The following PLEKHA5 variants were observed in gnomAD, a reference collection of about 807,000 sequenced individuals.
The protein encoded by PLEKHA5 is pleckstrin homology domain containing A5.
In PLEKHA5, 55 loss-of-function variants were observed where a neutral mutation model predicts 181.9. That is an observed-to-expected ratio of 0.30 (90% CI 0.24 to 0.38). PLEKHA5 has a LOEUF of 0.38. Ranked by LOEUF, PLEKHA5 falls within the 10% of genes least tolerant of loss-of-function variation. The probability of loss-of-function intolerance (pLI) is 1.00; values close to 1 mark genes in which losing one functional copy is unlikely to be tolerated. For missense variants in PLEKHA5, 1,432 were observed against 1,549.5 expected, an observed-to-expected ratio of 0.92 and a Z score of 1.27; for synonymous variants, 535 against 529.4, an observed-to-expected ratio of 1.01 and a Z score of -0.15.
At position 19,257,499 on chromosome 12, in the gene PLEKHA5, A is replaced by G; in HGVS notation, c.499A>G (p.Asn167Asp). Residue 167 changes from asparagine (N) to aspartate (D), a missense_variant, in exon 6 of 32, where the codon AAT becomes GAT. Coordinates refer to ENST00000429027, the MANE Select transcript of PLEKHA5 (RefSeq NM_001256470.2). ...KRSNSIKRNP[N>D]APVVRRGWLY... ...GTCAAATTCAATTAAAAGGAATCCT[A>G]ATGCACCGGTTGTCAGACGAGGTTG... is the stretch of plus-strand genomic sequence containing the variant. 1 of 1,607,892 alleles carries G rather than the reference A, an allele frequency of 6.2e-7. No individual in the cohort carries two copies. The highest frequency in any genetic ancestry group is 1.1e-5 in the South Asian group (1 of 89,726).
intron 15 of PLEKHA5, chr12:19,307,521 C>G: frequency 3.2e-6 from 1 of 308,210 alleles, no homozygotes; most frequent in East Asian, 9.2e-5. Flanking sequence ...AGCACACTGC[C>G]TAATTTCGGC....
intron 30 of PLEKHA5, among the ~76,000 whole-genome samples, chr12:19,366,640 G>A (rs183734111): frequency 4.6e-5 from 7 of 152,190 alleles, no homozygotes; most frequent in Admixed American, 2.0e-4. Context: ...GTGACAGAGC[G>A]AGACTCCTTC....
At position 19,129,754 on chromosome 12, in the gene PLEKHA5, C is replaced by A. The variant is rs1214214635; in HGVS notation, c.-46C>A. 4.1e-6 allele frequency: 6 copies of A among 1,460,886 alleles called. No individual in the cohort carries two copies. The African/African-American group carries it at 4.3e-5, about 11-fold the overall frequency. The allele number at this position is 1,460,886 out of a possible 1,614,324, so 90.5% of individuals were successfully genotyped here. On this transcript the variant is annotated 5_prime_UTR_variant, in exon 1 of 32. Coordinates refer to ENST00000429027, the MANE Select transcript of PLEKHA5 (RefSeq NM_001256470.2). ...GCTCGTTCCCTCCTCCCTCGGCAGC[C>A]GCGGCGGCAGCAGGAGAAGGCGGCG... is the stretch of plus-strand genomic sequence containing the variant.
At chr12:19,306,360 C>A in intron 15 of PLEKHA5, 1 of 473,526 alleles carries the variant, frequency 2.1e-6, no homozygotes, top group South Asian at 1.7e-5. Flanking sequence ...TCGTGCTCTC[C>A]AACTAGCGTG....
intron 31 of PLEKHA5, chr12:19,372,894 T>A (rs1402581041): frequency 1.3e-5 from 2 of 151,912 alleles, no homozygotes; most frequent in Non-Finnish European, 2.9e-5. Context: ...GCCTCCCAAG[T>A]AGCTGGGACC....
At chr12:19,332,808 C>T (rs939537377) in intron 20 of PLEKHA5, among the ~76,000 whole-genome samples, 42 of 152,266 alleles carry the variant, frequency 2.8e-4, no homozygotes, top group African/African-American at 9.9e-4. Context: ...TACAGACATG[C>T]GCCACCATAC....
intron 29 of PLEKHA5, among the ~76,000 whole-genome samples, chr12:19,362,544 G>GA (rs543128735): frequency 3.3e-5 from 5 of 149,266 alleles, no homozygotes; most frequent in South Asian, 2.1e-4. Context: ...AAAAGAAAAG[G>GA]AAAAAAAAAG....
At chr12:19,362,275 T>G (rs2095272941) in intron 29 of PLEKHA5, among the ~76,000 whole-genome samples, 1 of 151,654 alleles carries the variant, frequency 6.6e-6, no homozygotes. Flanking sequence ...GGCTTATGCC[T>G]GTAATCCCAG....
At chr12:19,183,366 T>C (rs1177805919) in intron 3 of PLEKHA5, among the ~76,000 whole-genome samples, 1 of 152,182 alleles carries the variant, frequency 6.6e-6, no homozygotes, top group African/African-American at 2.4e-5. Flanking sequence ...ATATTCTCTT[T>C]CATGAGCACC....
intron 3 of PLEKHA5, among the ~76,000 whole-genome samples, chr12:19,166,343 A>C (rs2151575806): frequency 6.6e-6 from 1 of 152,294 alleles, no homozygotes; most frequent in Non-Finnish European, 1.5e-5. Context: ...CGTGGTTCTA[A>C]ATGTCTTGCA....
chr12:19,150,228 T>C (rs2040054389), intron 3 of PLEKHA5: 1 of 152,232 alleles, frequency 6.6e-6, no homozygotes, highest in South Asian at 2.1e-4. Context: ...AGAGTTATTA[T>C]GTTTTTTTCT....
intron 3 of PLEKHA5, among the ~76,000 whole-genome samples, chr12:19,203,836 ATCACAGTTAGATTTTTTATTTG>A: frequency 9.9e-6 from 1 of 101,246 alleles, no homozygotes; most frequent in Admixed American, 1.2e-4. Context: ...ATACTTAGAG[ATCACAGTTAGATTTTTTATTTG>A]TTTCTTTTTA....
At chr12:19,314,999 AT>A in intron 16 of PLEKHA5, 105 bp downstream of exon 16, 1 of 686,560 alleles carries the variant, frequency 1.5e-6, no homozygotes. Flanking sequence ...TGTTTTTCTT[AT>A]TTTATTTTTT....
intron 16 of PLEKHA5, among the ~76,000 whole-genome samples, chr12:19,315,177 A>AAG (rs1565606608): frequency 6.6e-6 from 1 of 152,120 alleles, no homozygotes; most frequent in East Asian, 1.9e-4. Flanking sequence ...TCTGCAGTAC[A>AAG]TTTGCAAAAT....
chr12:19,286,888 C>T (rs993142860), intron 12 of PLEKHA5, among the ~76,000 whole-genome samples: 8 of 151,600 alleles, frequency 5.3e-5, no homozygotes, highest in Non-Finnish European at 1.0e-4. Flanking sequence ...ATCTCTTGAA[C>T]CCAGGAGGTG....
At position 19,292,109 on chromosome 12, in the gene PLEKHA5, A is replaced by G. The variant is rs546864548; in HGVS notation, c.2037+412A>G. Among the ~76,000 whole-genome samples, 42 of 152,316 alleles carry G rather than the reference A, an allele frequency of 2.8e-4. No homozygotes were observed. In the Middle Eastern group the frequency reaches 0.01, roughly 37 times the overall value. ...CTCTGTATTCCTAAAGGGGAGTTTA[A>G]AGGTGGGTGAAGTTGGCTGGATGCA... is the stretch of plus-strand genomic sequence containing the variant. On this transcript the variant is annotated intron_variant, in intron 15 of 31. Coordinates refer to ENST00000429027, the MANE Select transcript of PLEKHA5 (RefSeq NM_001256470.2).
chr12:19,336,582 T>G lies in PLEKHA5; in HGVS notation c.2516T>G (p.Met839Arg). The change falls in exon 21 of 32, where the codon ATG (methionine) becomes AGG (arginine). Residue 839 changes from methionine to arginine, a missense_variant. Coordinates refer to ENST00000429027, the MANE Select transcript of PLEKHA5 (RefSeq NM_001256470.2). The stretch of plus-strand genomic sequence containing the variant: ...GATGTAACTGTTACCAGGAACCAGA[T>G]GCAAGAGCAGCTGGATCACCTTGGT... ...EYDVTVTRNQ[M>R]QEQLDHLGEV... 6.2e-7 allele frequency: 1 copy of G among 1,605,348 alleles called. No individual in the cohort carries two copies. Among genetic ancestry groups the G allele is most frequent in the Non-Finnish European group, 8.5e-7 (1 of 1,172,762 alleles).
chr12:19,140,201 A>G (rs1385485874), intron 3 of PLEKHA5, among the ~76,000 whole-genome samples: 2 of 152,234 alleles, frequency 1.3e-5, no homozygotes, highest in Admixed American at 1.3e-4. Context: ...TAAACAATAA[A>G]TAAGTACATT....
chr12:19,165,522 T>C (rs552677506), intron 3 of PLEKHA5, among the ~76,000 whole-genome samples: 59 of 152,238 alleles, frequency 3.9e-4, no homozygotes, highest in African/African-American at 1.4e-3. Context: ...TATGGCCTCC[T>C]AGACATCATT....
Sources: gnomAD v4.1 joint callset for allele counts (sites outside exome capture counted in the v4.1 genomes callset) on GRCh38, gnomAD v4.1.1 for gene constraint, MANE v1.5 for transcripts, NCBI Gene and HGNC (gene_info 2026-07-23, HGNC 2026-07-21) for gene names.